The following MEGF11 variants were observed in gnomAD, a reference collection of about 807,000 sequenced individuals.
MEGF11 encodes the protein multiple EGF like domains 11.
In MEGF11, 126 loss-of-function variants were observed where a neutral mutation model predicts 146.6. That is an observed-to-expected ratio of 0.86 (90% confidence interval 0.74 to 1.00). MEGF11 has a LOEUF of 1.00. Ranked by LOEUF, MEGF11 falls within the 50% of genes least tolerant of loss-of-function variation. MEGF11 has a pLI of 0.00. For synonymous variants in MEGF11, 532 were observed against 583.4 expected, an observed-to-expected ratio of 0.91 and a Z score of 1.27; for missense variants, 1,509 against 1,521.2, an observed-to-expected ratio of 0.99 and a Z score of 0.13.
chr15:66,189,342 A>G (rs1044983702), intron 1 of MEGF11, among the ~76,000 whole-genome samples: 3 of 152,140 alleles, frequency 2.0e-5, no homozygotes, highest in Admixed American at 1.3e-4. Flanking sequence ...GGAAGGGGAC[A>G]TGTAATAAAC....
rs1015088119 is a variant in MEGF11, at chr15:65,918,072, C to T, written c.1980G>A (p.Gly660=). 1.9e-6 allele frequency: 3 copies of T among 1,613,958 alleles called. No homozygotes were observed. Among genetic ancestry groups the T allele is most frequent in the Non-Finnish European group, 2.5e-6 (3 of 1,179,892 alleles). The change falls in exon 16 of 26, where the codon GGG becomes GGA. Residue 660 remains glycine, a synonymous_variant. Transcript: ENST00000395614. ...CNQVCAGGYF[G]QDCAQLCSCA... ...AGGAGCAGAGCTGGGCACAGTCCTG[C>T]CCAAAGTATCCTCCAGCACACACTG... is the stretch of plus-strand genomic sequence containing the variant.
rs2082410537 is a variant in MEGF11, at chr15:66,002,994, T to TTTG, written c.395-20507_395-20506insCAA. 3.3e-5 allele frequency among the ~76,000 whole-genome samples: 5 copies of TTTG among 151,556 alleles called. No homozygotes were observed. In the South Asian group the frequency reaches 8.3e-4, roughly 25 times the overall value. On this transcript the variant is annotated intron_variant, in intron 5 of 25. Transcript: ENST00000395614. ...GCTGTTTCTTTCTTTTCTTTCTTTT[T>TTTG]TCTTTTTTTTTTTTGAGATAGAGTC... is the stretch of plus-strand genomic sequence containing the variant.
At chr15:66,115,272 G>T (rs2087667278) in intron 4 of MEGF11, among the ~76,000 whole-genome samples, 2 of 152,216 alleles carry the variant, frequency 1.3e-5, no homozygotes, top group Non-Finnish European at 2.9e-5. Flanking sequence ...AAGTCGCAGG[G>T]CAGGGCTGCA....
intron 5 of MEGF11, among the ~76,000 whole-genome samples, chr15:65,996,631 G>T (rs1377593140): frequency 6.6e-6 from 1 of 152,084 alleles, no homozygotes; most frequent in Admixed American, 6.5e-5. Flanking sequence ...GATTACAGGC[G>T]TGAGCCATCA....
intron 1 of MEGF11, among the ~76,000 whole-genome samples, chr15:66,134,657 C>A (rs7166796): frequency 0.22 from 33,906 of 152,240 alleles, 3,975 homozygotes; most frequent in Non-Finnish European, 0.27. Context: ...CCCATTCCTG[C>A]CCCCTTAAAG....
At chr15:66,070,103 A>G (rs2085303175) in intron 5 of MEGF11, among the ~76,000 whole-genome samples, 1 of 152,226 alleles carries the variant, frequency 6.6e-6, no homozygotes, top group South Asian at 2.1e-4. Flanking sequence ...AAAAGACTGG[A>G]GTGAAAGTCA....
At chr15:66,142,257 G>A (rs1220904623) in intron 1 of MEGF11, among the ~76,000 whole-genome samples, 15 of 152,276 alleles carry the variant, frequency 9.9e-5, no homozygotes, top group South Asian at 2.1e-4. Context: ...TGGAGCCCCC[G>A]CGATGGGAAC....
chr15:66,028,040 C>T (rs1353964101), intron 5 of MEGF11, among the ~76,000 whole-genome samples: 3 of 152,204 alleles, frequency 2.0e-5, no homozygotes, highest in African/African-American at 7.2e-5. Flanking sequence ...ACTGTGATGT[C>T]AGCACACCCA....
At chr15:65,944,578 G>A (rs996322341) in intron 10 of MEGF11, among the ~76,000 whole-genome samples, 1 of 152,148 alleles carries the variant, frequency 6.6e-6, no homozygotes, top group African/African-American at 2.4e-5. Context: ...TTGAGCGACA[G>A]GCATGAACTT....
chr15:66,246,743 C>G (rs1224044622), intron 1 of MEGF11, among the ~76,000 whole-genome samples: 4 of 152,134 alleles, frequency 2.6e-5, no homozygotes, highest in African/African-American at 9.7e-5. Context: ...CCAAGCAGGT[C>G]AAGGCTGCAG....
intron 1 of MEGF11, among the ~76,000 whole-genome samples, chr15:66,168,133 G>T (rs528915481): frequency 5.5e-4 from 84 of 152,078 alleles, no homozygotes; most frequent in African/African-American, 2.0e-3. Flanking sequence ...GCTCCTACCT[G>T]ATGGAGCAAC....
chr15:66,171,082 C>G (rs750381499), intron 1 of MEGF11, among the ~76,000 whole-genome samples: 2 of 152,220 alleles, frequency 1.3e-5, no homozygotes, highest in Non-Finnish European at 2.9e-5. Context: ...GGTCCTGGAG[C>G]CTTGTCTCAA....
intron 21 of MEGF11, chr15:65,910,101 G>A (rs2078752769): frequency 3.6e-6 from 2 of 561,682 alleles, no homozygotes. Context: ...AGATTAGCTG[G>A]GGGGTGGGGC....
rs370999705 is a variant in MEGF11 at position 65,922,806 on chromosome 15, C to A, written c.1822+17G>T. 3.1e-6 allele frequency: 5 copies of A among 1,613,176 alleles called. No individual in the cohort carries two copies. The African/African-American group carries it at 5.3e-5, about 17-fold the overall frequency. On this transcript the variant is annotated intron_variant, in intron 14 of 25. Transcript: ENST00000395614. The stretch of plus-strand genomic sequence containing the variant: ...ATTAGCCCTCTGAGCTCTTCGGGGT[C>A]AGGGGATTAGCCTTACTTCTCTGGC...
At chr15:66,233,142 C>G (rs1175070753) in intron 1 of MEGF11, among the ~76,000 whole-genome samples, 1 of 152,178 alleles carries the variant, frequency 6.6e-6, no homozygotes, top group Non-Finnish European at 1.5e-5. Context: ...ATACCAGCAC[C>G]TAGCATAGAG....
chr15:66,081,447 C>T (rs964337118), intron 5 of MEGF11, among the ~76,000 whole-genome samples: 3 of 152,142 alleles, frequency 2.0e-5, no homozygotes, highest in African/African-American at 4.8e-5. Flanking sequence ...GGCACGATCT[C>T]GGCTCACTGC....
chr15:66,134,690 G>T (rs957356165), intron 1 of MEGF11, among the ~76,000 whole-genome samples: 1 of 152,248 alleles, frequency 6.6e-6, no homozygotes, highest in Non-Finnish European at 1.5e-5. Flanking sequence ...AAACAACAAG[G>T]TGCAGCTACA....
intron 1 of MEGF11, among the ~76,000 whole-genome samples, chr15:66,155,139 G>A (rs900093447): frequency 6.6e-6 from 1 of 152,238 alleles, no homozygotes; most frequent in Non-Finnish European, 1.5e-5. Context: ...GGTCCTGAAT[G>A]AGACCCTGGC....
At chr15:65,960,089 ATCTG>A (rs1458357385) in intron 9 of MEGF11, among the ~76,000 whole-genome samples, 1 of 152,256 alleles carries the variant, frequency 6.6e-6, no homozygotes, top group African/African-American at 2.4e-5. Flanking sequence ...TCAATGCTGC[ATCTG>A]TTGGCTAAAT....
Sources: allele counts gnomAD v4.1 joint callset (sites outside exome capture counted in the v4.1 genomes callset), GRCh38; gene constraint gnomAD v4.1.1; transcripts MANE v1.5; gene names NCBI Gene and HGNC (gene_info 2026-07-23, HGNC 2026-07-21).